The following MIGA1 variants were observed in gnomAD, a reference collection of about 807,000 sequenced individuals.
MIGA1 encodes mitoguardin 1.
Under a neutral mutation model 82.0 loss-of-function variants are expected in MIGA1, and 58 were observed. The observed-to-expected ratio is 0.71, with a 90% CI of 0.57 to 0.88. The LOEUF is 0.88. Among genes scored for constraint, MIGA1 ranks in the 40% least tolerant of loss-of-function variants. The probability of loss-of-function intolerance (pLI) is 0.00; values close to 1 mark genes in which losing one functional copy is unlikely to be tolerated. For synonymous variants in MIGA1, 249 were observed against 253.6 expected (o/e 0.98, Z 0.17); for missense variants, 751 against 749.1 (o/e 1.00, Z -0.03).
At position 77,861,724 on chromosome 1, in the gene MIGA1, T is replaced by C. The variant is rs140695078; in HGVS notation, c.1374+402T>C. 324 of 158,478 alleles carry C rather than the reference T, an allele frequency of 2.0e-3. 1 individual carries two copies. The highest frequency in any genetic ancestry group is 7.1e-3 in the African/African-American group (298 of 41,718). The allele number at this position is 158,478 out of a possible 1,614,324, so 9.8% of individuals were successfully genotyped here. The stretch of plus-strand genomic sequence containing the variant: ...ATACACAAGACTGAACAAATAAGTA[T>C]ACTGAGAAAAATCAGAGCCAGCTTT... On this transcript the variant is annotated intron_variant, in intron 12 of 15. Coordinates refer to ENST00000370791, the MANE Select transcript of MIGA1 (RefSeq NM_198549.4).
chr1:77,875,131 C>A lies in MIGA1; in HGVS notation c.*67C>A. 2 of 1,272,732 alleles carry A rather than the reference C, an allele frequency of 1.6e-6. No homozygotes were observed. Among genetic ancestry groups the A allele is most frequent in the Non-Finnish European group, 2.2e-6 (2 of 895,852 alleles). 78.8% of individuals were successfully genotyped at this position (1,272,732 alleles called of 1,614,324 possible). On this transcript the variant is annotated 3_prime_UTR_variant, in exon 16 of 16. Coordinates refer to ENST00000370791, the MANE Select transcript of MIGA1 (RefSeq NM_198549.4). Reference sequence around the variant, plus strand: ...TTTAAGGTAACTATTGATTTTGTAACATATATTACAAAGTTAACAGAATTG... The same window carrying A: ...TTTAAGGTAACTATTGATTTTGTAAAATATATTACAAAGTTAACAGAATTG...
chr1:77,825,087 C>G (rs1405996830), intron 7 of MIGA1, among the ~76,000 whole-genome samples: 1 of 144,620 alleles, frequency 6.9e-6, no homozygotes, highest in African/African-American at 2.5e-5. Flanking sequence ...CTCCAGGGTT[C>G]AAGTGATTCT....
intron 8 of MIGA1, among the ~76,000 whole-genome samples, chr1:77,850,051 A>AT (rs1684989218): frequency 6.6e-6 from 1 of 151,966 alleles, no homozygotes; most frequent in South Asian, 2.1e-4. Flanking sequence ...AAAAAAAAAA[A>AT]AGTATGAAGG....
intron 7 of MIGA1, among the ~76,000 whole-genome samples, chr1:77,829,942 A>G (rs927940954): frequency 2.6e-5 from 3 of 116,154 alleles, no homozygotes; most frequent in African/African-American, 1.0e-4. Context: ...TGGGCTCTCT[A>G]TTTTGTTCTG....
rs188783428 is a variant in MIGA1 at position 77,847,802 on chromosome 1, A to C, written c.996+4395A>C. ...GGGGCTACTCTGATGAAGTAAGTTCAAAAAACGGAATACCACAAGAGAAAT... is the reference window on the plus strand; with the variant it reads ...GGGGCTACTCTGATGAAGTAAGTTCCAAAAACGGAATACCACAAGAGAAAT... On this transcript the variant is annotated intron_variant, in intron 8 of 15. Transcript: ENST00000370791. The C allele has an allele frequency of 4.3e-5, 69 of 1,602,666 alleles. No individual in the cohort carries two copies. The East Asian group carries it at 1.5e-3, about 35-fold the overall frequency.
Position 77,877,524 on chromosome 1 carries a change from TTG to T in MIGA1, c.*2462_*2463del, listed in dbSNP as rs553889392. The stretch of plus-strand genomic sequence containing the variant: ...TTATTTAATATTACATGTTTTTACC[TTG>T]TTGCGGTATCTTTGGCCTTCACACA... On this transcript the variant is annotated 3_prime_UTR_variant, in exon 16 of 16. Coordinates refer to ENST00000370791, the MANE Select transcript of MIGA1 (RefSeq NM_198549.4). The T allele has an allele frequency of 1.0e-4, 16 of 152,596 alleles. No homozygotes were observed. The South Asian group carries it at 3.1e-3, about 30-fold the overall frequency. 9.5% of individuals were successfully genotyped at this position (152,596 alleles called of 1,614,324 possible). A position where few individuals can be genotyped will look rare whatever the true frequency, so the allele number is the denominator to read the frequency against.
At chr1:77,786,349 C>G (rs532842784) in intron 2 of MIGA1, among the ~76,000 whole-genome samples, 1 of 152,336 alleles carries the variant, frequency 6.6e-6, no homozygotes, top group East Asian at 1.9e-4. Context: ...ACATTTTCCC[C>G]ATTATCTTGG....
chr1:77,840,932 A>G (rs548250455), intron 7 of MIGA1, among the ~76,000 whole-genome samples: 1 of 152,312 alleles, frequency 6.6e-6, no homozygotes, highest in African/African-American at 2.4e-5. Flanking sequence ...AATAATTAAG[A>G]TAACGCTTTG....
At chr1:77,814,209 A>G (rs1683486309) in intron 6 of MIGA1, among the ~76,000 whole-genome samples, 1 of 152,104 alleles carries the variant, frequency 6.6e-6, no homozygotes. Context: ...TTTAATGTTG[A>G]TTCAGTGTAT....
intron 5 of MIGA1, among the ~76,000 whole-genome samples, chr1:77,812,443 C>CAATAAATA (rs545909699): frequency 6.6e-6 from 1 of 151,474 alleles, no homozygotes; most frequent in Non-Finnish European, 1.5e-5. Context: ...GACTCTGTCT[C>CAATAAATA]AATAAATAAA....
At chr1:77,854,135 T>G (rs375840457) in intron 8 of MIGA1, among the ~76,000 whole-genome samples, 1 of 152,296 alleles carries the variant, frequency 6.6e-6, no homozygotes, top group African/African-American at 2.4e-5. Context: ...TGAGAACATA[T>G]GATGTTTGGT....
chr1:77,796,555 T>G (rs1682665841), intron 2 of MIGA1, among the ~76,000 whole-genome samples: 1 of 152,178 alleles, frequency 6.6e-6, no homozygotes. Context: ...TCCAAATAGC[T>G]GAGACTACAG....
chr1:77,847,031 G>T, intron 8 of MIGA1: 2 of 690,646 alleles, frequency 2.9e-6, no homozygotes, highest in African/African-American at 1.8e-5. Context: ...CCACCTCTCT[G>T]ATTTGACGAC....
At chr1:77,813,645 T>G in intron 5 of MIGA1, 89 bp from the exon 6 acceptor site, 1 of 1,362,686 alleles carries the variant, frequency 7.3e-7, no homozygotes, top group Non-Finnish European at 1.0e-6. Flanking sequence ...GTGACATCAG[T>G]GATAATGTAT....
At chr1:77,822,118 C>T (rs1331269163) in intron 7 of MIGA1, among the ~76,000 whole-genome samples, 1 of 151,462 alleles carries the variant, frequency 6.6e-6, no homozygotes, top group Non-Finnish European at 1.5e-5. Context: ...GGTCATTTCA[C>T]ATTGCATACA....
intron 2 of MIGA1, among the ~76,000 whole-genome samples, chr1:77,801,042 C>G (rs564822756): frequency 6.6e-6 from 1 of 152,138 alleles, no homozygotes; most frequent in South Asian, 2.1e-4. Context: ...GTGAATTAAT[C>G]CTTAATTGCT....
Position 77,866,401 on chromosome 1 carries a change from G to C in MIGA1, c.1563+10G>C, listed in dbSNP as rs200102841. 6.8e-6 allele frequency: 11 copies of C among 1,612,936 alleles called. No individual in the cohort carries two copies. In the South Asian group the frequency reaches 9.9e-5, roughly 14 times the overall value. On this transcript the variant is annotated intron_variant, in intron 14 of 15. Coordinates refer to ENST00000370791, the MANE Select transcript of MIGA1 (RefSeq NM_198549.4). ...AAGACAACAGATGAAGGTAAAATTC[G>C]TTATGTCCTGAATTCCTTTGTTAAA...
intron 15 of MIGA1, 65 bp downstream of exon 15, chr1:77,873,185 C>A: frequency 6.7e-7 from 1 of 1,491,760 alleles, no homozygotes. Flanking sequence ...CGGTTTTATT[C>A]TGTTTTGTTT....
intron 4 of MIGA1, among the ~76,000 whole-genome samples, chr1:77,804,297 A>G (rs1284644648): frequency 6.6e-6 from 1 of 152,174 alleles, no homozygotes; most frequent in Admixed American, 6.6e-5. Flanking sequence ...TTGGAGCATT[A>G]CTATTAATGC....
Sources: allele counts gnomAD v4.1 joint callset (sites outside exome capture counted in the v4.1 genomes callset), GRCh38; gene constraint gnomAD v4.1.1; transcripts MANE v1.5; gene names NCBI Gene and HGNC (gene_info 2026-07-23, HGNC 2026-07-21).